The following MDGA1 variants were observed in gnomAD, a reference collection of about 807,000 sequenced individuals.
MDGA1 encodes MAM domain-containing glycosylphosphatidylinositol anchor protein 1.
MDGA1 carries 54 observed loss-of-function variants against 101.5 expected under a neutral mutation model. The ratio of observed to expected loss-of-function variants is 0.53; its 90% CI spans 0.43 to 0.67. MDGA1 has a LOEUF of 0.67. Ranked by LOEUF, MDGA1 falls within the 30% of genes least tolerant of loss-of-function variation. The pLI is 0.00. For synonymous variants in MDGA1, 533 were observed against 558.3 expected (o/e 0.95, Z 0.64); for missense variants, 1,083 against 1,323.8 (o/e 0.82, Z 2.82).
chr6:37,642,073 T>G (rs1764097215), intron 14 of MDGA1, among the ~76,000 whole-genome samples: 2 of 151,422 alleles, frequency 1.3e-5, no homozygotes, highest in Middle Eastern at 3.4e-3. Context: ...ATCACCAAGA[T>G]GATGTACAAT....
intron 1 of MDGA1, among the ~76,000 whole-genome samples, chr6:37,678,201 C>A (rs1281564918): frequency 6.6e-6 from 1 of 152,144 alleles, no homozygotes; most frequent in African/African-American, 2.4e-5. Context: ...TTAGTGGGAA[C>A]ACGTTGTCTC....
chr6:37,690,769 C>T (rs1243420261), intron 1 of MDGA1, among the ~76,000 whole-genome samples: 2 of 90,054 alleles, frequency 2.2e-5, no homozygotes, highest in Non-Finnish European at 4.3e-5. Context: ...CGAGACTCCA[C>T]CTCAAAAAAA....
chr6:37,664,600 TACACACACACACACACACAC>T (rs61046567), intron 1 of MDGA1, among the ~76,000 whole-genome samples: 2 of 118,140 alleles, frequency 1.7e-5, no homozygotes, highest in Non-Finnish European at 3.4e-5. Context: ...TCCCCCACAA[TACACACACACACACACACAC>T]ACACACACAC....
At chr6:37,658,464 G>T (rs758289661) in intron 2 of MDGA1, 45 bp from the exon 3 acceptor site, 11 of 1,557,736 alleles carry the variant, frequency 7.1e-6, no homozygotes, top group Middle Eastern at 1.7e-4. Flanking sequence ...GACTCACACG[G>T]GGTGGGGGCC....
intron 3 of MDGA1, among the ~76,000 whole-genome samples, chr6:37,656,185 C>A (rs558757596): frequency 1.3e-5 from 2 of 151,312 alleles, no homozygotes; most frequent in East Asian, 3.9e-4. Flanking sequence ...TCAAGCAATT[C>A]TCCTGCCTCA....
chr6:37,662,072 A>T (rs895827137), intron 2 of MDGA1, among the ~76,000 whole-genome samples: 1 of 151,632 alleles, frequency 6.6e-6, no homozygotes, highest in Non-Finnish European at 1.5e-5. Flanking sequence ...CTGAGGGGGA[A>T]GGATTGCTTG....
intron 1 of MDGA1, among the ~76,000 whole-genome samples, chr6:37,675,591 A>G (rs1761962361): frequency 6.6e-6 from 1 of 152,174 alleles, no homozygotes; most frequent in South Asian, 2.1e-4. Context: ...AGTAGTAATA[A>G]TCACTGGGAG....
Position 37,633,946 on chromosome 6 carries a change from G to A in MDGA1, c.*3422C>T, listed in dbSNP as rs1391813585. 1 of 152,406 alleles carries A rather than the reference G, an allele frequency of 6.6e-6. No homozygotes were observed. The highest frequency in any genetic ancestry group is 1.5e-5 in the Non-Finnish European group (1 of 68,202). The allele number at this position is 152,406 out of a possible 1,614,324, so 9.4% of individuals were successfully genotyped here. ...TGCACGAGGGGATCAAACTTTTGAGGTCCATCCTCACTCTGACAGCCTGAG... is the reference window on the plus strand; with the variant it reads ...TGCACGAGGGGATCAAACTTTTGAGATCCATCCTCACTCTGACAGCCTGAG... On this transcript the variant is annotated 3_prime_UTR_variant, in exon 17 of 17. Coordinates refer to ENST00000434837, the MANE Select transcript of MDGA1 (RefSeq NM_153487.4).
chr6:37,642,748 C>T (rs916195679), intron 14 of MDGA1, among the ~76,000 whole-genome samples: 93 of 152,332 alleles, frequency 6.1e-4, no homozygotes, highest in African/African-American at 2.1e-3. Context: ...AGCCCCTGTC[C>T]TTCCACTGCC....
intron 7 of MDGA1, 55 bp downstream of exon 7, chr6:37,651,952 CCTGT>C (rs1157657031): frequency 7.2e-7 from 1 of 1,395,784 alleles, no homozygotes; most frequent in African/African-American, 1.4e-5. Flanking sequence ...CCCACTACCT[CCTGT>C]CTGTGGGCCT....
At position 37,655,648 on chromosome 6, in the gene MDGA1, CCT is replaced by C. The variant is rs1487037961; in HGVS notation, c.579+50_579+51del. 1 of 1,438,352 alleles carries C rather than the reference CCT, an allele frequency of 7.0e-7. No homozygotes were observed. Among genetic ancestry groups the C allele is most frequent in the Non-Finnish European group, 9.4e-7 (1 of 1,062,272 alleles). The allele number at this position is 1,438,352 out of a possible 1,614,324, so 89.1% of individuals were successfully genotyped here. The stretch of plus-strand genomic sequence containing the variant: ...AAAACTCAGCCCCATGCCCCCCTCC[CCT>C]GTTGGATGCAGGAGAAGTGGTATGG... On this transcript the variant is annotated intron_variant, in intron 4 of 16. Transcript: ENST00000434837. This position sits in a 1 kb window ranked among gnomAD's most constrained non-coding sequence, Gnocchi z 5.1.
At chr6:37,669,923 A>G (rs1223510000) in intron 1 of MDGA1, among the ~76,000 whole-genome samples, 1 of 152,182 alleles carries the variant, frequency 6.6e-6, no homozygotes, top group Non-Finnish European at 1.5e-5. Flanking sequence ...GTGATTTCAG[A>G]GTGTTAAATG....
In MDGA1 at chr6:37,645,924, G is replaced by A. The variant is rs1267082901; in HGVS notation, c.2248+9C>T. On this transcript the variant is annotated intron_variant, in intron 12 of 16. Transcript: ENST00000434837. Reference sequence around the variant, plus strand: ...GAAGGGGAAGTCATGGGTGACTGGGGAGTCTCACCTGAAAGGTTCGGAGAG... The same window carrying A: ...GAAGGGGAAGTCATGGGTGACTGGGAAGTCTCACCTGAAAGGTTCGGAGAG... 6.2e-7 allele frequency: 1 copy of A among 1,614,024 alleles called. No individual in the cohort carries two copies. The highest frequency in any genetic ancestry group is 8.5e-7 in the Non-Finnish European group (1 of 1,179,882).
In MDGA1 at chr6:37,697,806, C is replaced by G. The variant is rs1217922106; in HGVS notation, c.-995G>C. 6.7e-6 allele frequency: 1 copy of G among 148,600 alleles called. No individual in the cohort carries two copies. Among genetic ancestry groups the G allele is most frequent in the East Asian group, 2.0e-4 (1 of 5,028 alleles). The allele number at this position is 148,600 out of a possible 1,614,324, so 9.2% of individuals were successfully genotyped here. A position where few individuals can be genotyped will look rare whatever the true frequency, so the allele number is the denominator to read the frequency against. On this transcript the variant is annotated 5_prime_UTR_variant, in exon 1 of 17. Transcript: ENST00000434837. ...GGGCCCAGAGCGGGCGGGGCCGGGC[C>G]GGGCTCCGGGGCGCGGCGGCCGCTC...
At position 37,650,176 on chromosome 6, in the gene MDGA1, G is replaced by A; in HGVS notation, c.1542C>T (p.Cys514=). The stretch of plus-strand genomic sequence containing the variant: ...TGAAGCCATTATAGCGGGCCGTCTG[G>A]CAGCGGTAGGTCCCGCTCATGTCTC... ...VSRDMSGTYR[C]QTARYNGFNV... is the part of the protein sequence containing the mutation. The change falls in exon 8 of 17, where the codon TGC becomes TGT. Residue 514 remains cysteine (C), a synonymous_variant. Transcript: ENST00000434837. 1 of 1,612,398 alleles carries A rather than the reference G, an allele frequency of 6.2e-7. No individual in the cohort carries two copies. Among genetic ancestry groups the A allele is most frequent in the Non-Finnish European group, 8.5e-7 (1 of 1,178,916 alleles).
rs1268388094 is a variant in MDGA1 at position 37,638,889 on chromosome 6, T to C, written c.2537-222A>G. The C allele has an allele frequency of 3.5e-6, 2 of 566,414 alleles. No individual in the cohort carries two copies. The highest frequency in any genetic ancestry group is 1.9e-5 in the African/African-American group (1 of 52,748). The allele number at this position is 566,414 out of a possible 1,614,324, so 35.1% of individuals were successfully genotyped here. ...AGGATTTCATTTCATCAGGATGACTTGCAAATTTTCTTTCATTTCTTTCCT... is the reference window on the plus strand; with the variant it reads ...AGGATTTCATTTCATCAGGATGACTCGCAAATTTTCTTTCATTTCTTTCCT... On this transcript the variant is annotated intron_variant, in intron 14 of 16. Transcript: ENST00000434837. The surrounding 1 kb of genome is among the most constrained non-coding windows in gnomAD (Gnocchi z 4.8).
rs1249227950 is a variant in MDGA1 at position 37,697,798 on chromosome 6, G to C, written c.-987C>G. 1 of 149,366 alleles carries C rather than the reference G, an allele frequency of 6.7e-6. No individual in the cohort carries two copies. The highest frequency in any genetic ancestry group is 1.5e-5 in the Non-Finnish European group (1 of 67,018). 9.3% of individuals were successfully genotyped at this position (149,366 alleles called of 1,614,324 possible). On this transcript the variant is annotated 5_prime_UTR_variant, in exon 1 of 17. Transcript: ENST00000434837. ...GCCTGCGGGGGCCCAGAGCGGGCGG[G>C]GCCGGGCCGGGCTCCGGGGCGCGGC...
At chr6:37,695,682 C>G (rs529030585) in intron 1 of MDGA1, among the ~76,000 whole-genome samples, 2 of 152,326 alleles carry the variant, frequency 1.3e-5, no homozygotes, top group Admixed American at 1.3e-4. Flanking sequence ...ACAGGTCAAC[C>G]TCCCCTGGAT....
In MDGA1 at chr6:37,696,246, A is replaced by G. The variant is rs1222091613; in HGVS notation, c.67+499T>C. Among the ~76,000 whole-genome samples the G allele has an allele frequency of 1.3e-5, 2 of 152,188 alleles. No homozygotes were observed. The highest frequency in any genetic ancestry group is 4.1e-4 in the South Asian group (2 of 4,832). The stretch of plus-strand genomic sequence containing the variant: ...ATGCCGGCATCCTGATCAGGGTGTC[A>G]AGCCCTGAGTAGAAGAAGCGAAGCC... On this transcript the variant is annotated intron_variant, in intron 1 of 16. Transcript: ENST00000434837. The surrounding 1 kb of genome is among the most constrained non-coding windows in gnomAD (Gnocchi z 5.6).
Sources: gnomAD v4.1 joint callset for allele counts (sites outside exome capture counted in the v4.1 genomes callset) on GRCh38, gnomAD v4.1.1 for gene constraint, Gnocchi (gnomAD v3.1) non-coding constraint, MANE v1.5 for transcripts, NCBI Gene and HGNC (gene_info 2026-07-23, HGNC 2026-07-21) for gene names.